The following ABRA variants were observed in gnomAD, a reference collection of about 807,000 sequenced individuals.
ABRA encodes the protein actin-binding Rho-activating protein.
ABRA carries 25 observed loss-of-function variants against 33.4 expected under a neutral mutation model. The observed-to-expected ratio is 0.75, with a 90% CI of 0.55 to 1.04. The LOEUF is 1.04. ABRA is among the 50% of genes least tolerant of loss of function. The pLI, the probability that ABRA is intolerant of heterozygous loss-of-function variation, is 0.00. For synonymous variants in ABRA, 193 were observed against 176.8 expected (o/e 1.09, Z -0.73); for missense variants, 501 against 491.7 (o/e 1.02, Z -0.18).
At position 106,761,299 on chromosome 8, in the gene ABRA, G is replaced by T; in HGVS notation, c.884C>A (p.Thr295Asn). ...CTCAGCACGCTTGGCCCTTTCAGCA[G>T]TTTTGGTTCCTTCTTTGGGGCGGCC... Reference protein sequence around the residue: ...GYGRPKEGTKTAERAKRAEEH... With the variant: ...GYGRPKEGTKNAERAKRAEEH... The change falls in exon 2 of 2, where the codon ACT (threonine) becomes AAT (asparagine). Residue 295 changes from threonine to asparagine, a missense_variant. By Grantham distance (65) the Thr-to-Asn change is moderately conservative. Transcript: ENST00000311955. 6.2e-7 allele frequency: 1 copy of T among 1,614,196 alleles called. No individual in the cohort carries two copies. The highest frequency in any genetic ancestry group is 8.5e-7 in the Non-Finnish European group (1 of 1,180,042).
Position 106,760,776 on chromosome 8 carries a change from C to T in ABRA, c.*261G>A. On this transcript the variant is annotated 3_prime_UTR_variant, in exon 2 of 2. Transcript: ENST00000311955. ...AAGAGAATCTGTCTCAAAACAAAAA[C>T]AAAAACACCCTGTGGAATTTCAACT... 2.4e-6 allele frequency: 1 copy of T among 415,200 alleles called. No homozygotes were observed. Among genetic ancestry groups the T allele is most frequent in the Non-Finnish European group, 4.3e-6 (1 of 233,384 alleles). The allele number at this position is 415,200 out of a possible 1,614,324, so 25.7% of individuals were successfully genotyped here.
Position 106,760,918 on chromosome 8 carries a change from T to C in ABRA, c.*119A>G, listed in dbSNP as rs570810326. The C allele has an allele frequency of 2.1e-6, 2 of 935,128 alleles. No individual in the cohort carries two copies. Among genetic ancestry groups the C allele is most frequent in the East Asian group, 2.4e-5 (1 of 41,308 alleles). 57.9% of individuals were successfully genotyped at this position (935,128 alleles called of 1,614,324 possible). ...AAATAGAATGCCAGAAAGTCGTTTA[T>C]GTAAAAATTGTTTAATATTTACTAA... is the stretch of plus-strand genomic sequence containing the variant. On this transcript the variant is annotated 3_prime_UTR_variant, in exon 2 of 2. Coordinates refer to ENST00000311955, the MANE Select transcript of ABRA (RefSeq NM_139166.5).
intron 1 of ABRA, among the ~76,000 whole-genome samples, chr8:106,766,575 A>G (rs1836224801): frequency 6.6e-6 from 1 of 152,196 alleles, no homozygotes; most frequent in African/African-American, 2.4e-5. Context: ...GAGCACAGCT[A>G]GGATTACCAC....
At position 106,761,228 on chromosome 8, in the gene ABRA, T is replaced by C; in HGVS notation, c.955A>G (p.Thr319Ala). The C allele has an allele frequency of 6.2e-7, 1 of 1,614,230 alleles. No individual in the cohort carries two copies. The highest frequency in any genetic ancestry group is 8.5e-7 in the Non-Finnish European group (1 of 1,180,036). Residue 319 changes from threonine (T) to alanine (A), a missense_variant, in exon 2 of 2, where the codon ACA (threonine) becomes GCA (alanine). Coordinates refer to ENST00000311955, the MANE Select transcript of ABRA (RefSeq NM_139166.5). The part of the protein sequence containing the change: ...EMMDMCFIIC[T>A]MARHRRDGKI... ...CCATCTCGTCTGTGGCGAGCCATTG[T>C]GCAGATAATGAAGCACATGTCCATC...
chr8:106,763,465 T>TGCTA (rs1407400911), intron 1 of ABRA, among the ~76,000 whole-genome samples: 2 of 152,206 alleles, frequency 1.3e-5, no homozygotes, highest in East Asian at 3.8e-4. Context: ...TGTGAAAAAG[T>TGCTA]GCTAGGAGCT....
intron 1 of ABRA, among the ~76,000 whole-genome samples, chr8:106,764,955 T>A (rs865911088): frequency 6.6e-6 from 1 of 152,152 alleles, no homozygotes; most frequent in South Asian, 2.1e-4. Flanking sequence ...GAAAGTCTTA[T>A]ACACTGAATT....
chr8:106,764,735 A>G (rs1836189977), intron 1 of ABRA, among the ~76,000 whole-genome samples: 1 of 152,202 alleles, frequency 6.6e-6, no homozygotes, highest in Non-Finnish European at 1.5e-5. Context: ...TATTTGTTAT[A>G]TTGTCAAATT....
intron 1 of ABRA, among the ~76,000 whole-genome samples, chr8:106,766,393 A>T (rs1836221398): frequency 6.6e-6 from 1 of 152,192 alleles, no homozygotes; most frequent in African/African-American, 2.4e-5. Context: ...CATCTGTGAT[A>T]CATAATTGTC....
Position 106,769,873 on chromosome 8 carries a change from CT to C in ABRA, c.317del (p.Lys106ArgfsTer19). On this transcript the variant is annotated frameshift_variant, in exon 1 of 2. Transcript: ENST00000311955. LOFTEE classifies it high-confidence loss of function. The part of the protein sequence containing the change: ...EKAPEVSHIK[K>X]KEVSKTVVSK... ...TGACCACCGTTTTGGACACCTCTTT[CT>C]TTTTGATGTGAGAAACCTCAGGGGC... 6.2e-7 allele frequency: 1 copy of C among 1,614,124 alleles called. No homozygotes were observed. Among genetic ancestry groups the C allele is most frequent in the Non-Finnish European group, 8.5e-7 (1 of 1,180,026 alleles).
intron 1 of ABRA, among the ~76,000 whole-genome samples, chr8:106,766,038 G>T (rs1836214898): frequency 6.6e-6 from 1 of 152,148 alleles, no homozygotes; most frequent in Non-Finnish European, 1.5e-5. Flanking sequence ...GTCTCTGTGT[G>T]TCAGTTTCCC....
Position 106,761,129 on chromosome 8 carries a change from T to C in ABRA, c.1054A>G (p.Met352Val). 1 of 1,614,158 alleles carries C rather than the reference T, an allele frequency of 6.2e-7. No homozygotes were observed. The highest frequency in any genetic ancestry group is 8.5e-7 in the Non-Finnish European group (1 of 1,179,984). Residue 352 changes from methionine to valine, a missense_variant, in exon 2 of 2, where the codon ATG (methionine) becomes GTG (valine). Physicochemically the swap from Met to Val is conservative, Grantham distance 21. Coordinates refer to ENST00000311955, the MANE Select transcript of ABRA (RefSeq NM_139166.5). Reference protein sequence around the residue: ...RISDKVVGILMRARKHGLVDF... With the variant: ...RISDKVVGILVRARKHGLVDF... Reference sequence around the variant, plus strand: ...ACCAGTCCATGTTTCCTGGCACGCATGAGAATGCCCACTACTTTATCTGAA... The same window carrying C: ...ACCAGTCCATGTTTCCTGGCACGCACGAGAATGCCCACTACTTTATCTGAA...
rs760056064 is a variant in ABRA at position 106,761,508 on chromosome 8, G to GT, written c.674dup (p.Asn225LysfsTer16). ...TGCAGTTGAGTTTCTCTGTAAATCT[G>GT]TTTACCCTAAAGTAGAGAGAGGGTG... is the stretch of plus-strand genomic sequence containing the variant. On this transcript the variant is annotated frameshift_variant, in exon 2 of 2. Transcript: ENST00000311955. LOFTEE classifies it high-confidence loss of function. The GT allele has an allele frequency of 1.6e-5, 25 of 1,612,058 alleles. No individual in the cohort carries two copies. Among genetic ancestry groups the GT allele is most frequent in the Non-Finnish European group, 2.1e-5 (25 of 1,179,002 alleles).
rs768562528 is a variant in ABRA at position 106,770,200 on chromosome 8, C to A, written c.-10G>T. ...TTTCGCCCGGAGCCATGCTGCCCAC[C>A]TGTCTTTCTCTGCTGATAGCCTGGA... On this transcript the variant is annotated 5_prime_UTR_variant, in exon 1 of 2. In the 5' UTR this introduces an upstream ATG that the reference lacks. Transcript: ENST00000311955. 1.1e-5 allele frequency: 18 copies of A among 1,592,800 alleles called. No homozygotes were observed. The highest frequency in any genetic ancestry group is 1.3e-5 in the Non-Finnish European group (15 of 1,174,214).
At chr8:106,762,897 C>G (rs886942224) in intron 1 of ABRA, among the ~76,000 whole-genome samples, 1 of 152,182 alleles carries the variant, frequency 6.6e-6, no homozygotes, top group South Asian at 2.1e-4. Flanking sequence ...AGTTAAAACA[C>G]GAACTCTTGA....
chr8:106,769,511 G>A lies in ABRA; in HGVS notation c.668+12C>T. 1 of 1,606,834 alleles carries A rather than the reference G, an allele frequency of 6.2e-7. No individual in the cohort carries two copies. Among genetic ancestry groups the A allele is most frequent in the Non-Finnish European group, 8.5e-7 (1 of 1,175,954 alleles). ...ATCCTGACACAAGGAGTGGGAGAAT[G>A]CATTCACTTACTGGGAGGGCAAGGG... On this transcript the variant is annotated intron_variant, in intron 1 of 1. Transcript: ENST00000311955.
At chr8:106,767,384 T>C (rs1425362739) in intron 1 of ABRA, among the ~76,000 whole-genome samples, 1 of 152,170 alleles carries the variant, frequency 6.6e-6, no homozygotes, top group African/African-American at 2.4e-5. Flanking sequence ...TGTCCCAAGA[T>C]CCAAAAGGCC....
intron 1 of ABRA, among the ~76,000 whole-genome samples, chr8:106,768,767 G>A (rs1810543947): frequency 3.3e-5 from 5 of 152,170 alleles, no homozygotes; most frequent in Admixed American, 3.3e-4. Context: ...CCGGGTAGCT[G>A]GGATTACAGA....
At chr8:106,761,815 T>C (rs1836144403) in intron 1 of ABRA, among the ~76,000 whole-genome samples, 1 of 152,174 alleles carries the variant, frequency 6.6e-6, no homozygotes, top group Non-Finnish European at 1.5e-5. Context: ...TTAATGCAAA[T>C]GTGTATATCT....
chr8:106,768,533 C>T (rs1207235616), intron 1 of ABRA, among the ~76,000 whole-genome samples: 1 of 152,188 alleles, frequency 6.6e-6, no homozygotes, highest in African/African-American at 2.4e-5. Context: ...ATGTGACAAG[C>T]TCTGTGTTTG....
Sources: allele counts gnomAD v4.1 joint callset (sites outside exome capture counted in the v4.1 genomes callset), GRCh38; gene constraint gnomAD v4.1.1; transcripts MANE v1.5; gene names NCBI Gene and HGNC (gene_info 2026-07-23, HGNC 2026-07-21).